Variants in PCDHAC1 observed in about 807,000 individuals in gnomAD.
PCDHAC1 encodes protocadherin alpha-C1.
A neutral mutation model predicts 60.0 loss-of-function variants in PCDHAC1; 42 were observed. The observed-to-expected ratio is 0.70, with a 90% CI of 0.55 to 0.90. The LOEUF (loss-of-function observed/expected upper bound fraction) is 0.90. Ranked by LOEUF, PCDHAC1 falls within the 40% of genes least tolerant of loss-of-function variation. PCDHAC1 has a pLI of 0.00. For synonymous variants in PCDHAC1, 468 were observed against 499.3 expected (o/e 0.94, Z 0.84); for missense variants, 1,160 against 1,222.3 (o/e 0.95, Z 0.76).
At chr5:141,006,813 T>C (rs1171771789) in intron 3 of PCDHAC1, among the ~76,000 whole-genome samples, 1 of 152,018 alleles carries the variant, frequency 6.6e-6, no homozygotes, top group African/African-American at 2.4e-5. Flanking sequence ...GCTTGAGAAA[T>C]GGGGTAAATG....
intron 2 of PCDHAC1, among the ~76,000 whole-genome samples, chr5:140,981,175 T>C (rs1350828084): frequency 6.6e-6 from 1 of 152,238 alleles, no homozygotes; most frequent in African/African-American, 2.4e-5. Context: ...TTCCCTCTAA[T>C]AGTTCAAGTT....
chr5:141,001,670 C>T (rs1554258276), intron 3 of PCDHAC1, among the ~76,000 whole-genome samples: 1 of 151,900 alleles, frequency 6.6e-6, no homozygotes, highest in African/African-American at 2.4e-5. Flanking sequence ...CTTGTCCAGT[C>T]GGTCCAACAA....
rs551502223 is a variant in PCDHAC1 at position 140,976,924 on chromosome 5, T to G, written c.2434-2025T>G. ...TGTAATAAAGTGCAAAATCTAGTAC[T>G]GTGTAGCTACTTAAAACATATTATA... is the stretch of plus-strand genomic sequence containing the variant. On this transcript the variant is annotated intron_variant, in intron 1 of 3. Coordinates refer to ENST00000253807, the MANE Select transcript of PCDHAC1 (RefSeq NM_018898.5). 1.6e-4 allele frequency among the ~76,000 whole-genome samples: 25 copies of G among 152,364 alleles called. No homozygotes were observed. In the South Asian group the frequency reaches 5.2e-3, roughly 32 times the overall value.
chr5:141,010,470 G>A lies in PCDHAC1; in HGVS notation c.*533G>A. ...ACAGCGGAAGTTATCAGTATGGAGG[G>A]GAAGTGTAAACTTAAAGGGACCAGA... On this transcript the variant is annotated 3_prime_UTR_variant, in exon 4 of 4. Transcript: ENST00000253807. The A allele has an allele frequency of 2.6e-6, 2 of 780,290 alleles. No homozygotes were observed. The highest frequency in any genetic ancestry group is 3.0e-5 in the East Asian group (1 of 33,872). 48.3% of individuals were successfully genotyped at this position (780,290 alleles called of 1,614,324 possible).
At chr5:140,967,708 C>A (rs782464741) in intron 1 of PCDHAC1, 1 of 1,614,158 alleles carries the variant, frequency 6.2e-7, no homozygotes, top group Admixed American at 1.7e-5. Context: ...ATGCCAGTAC[C>A]GGGGAAGTGC....
chr5:140,954,297 C>G (rs1369831854), intron 1 of PCDHAC1, among the ~76,000 whole-genome samples: 1 of 152,298 alleles, frequency 6.6e-6, no homozygotes, highest in African/African-American at 2.4e-5. Context: ...TGGGTACATA[C>G]CCAGTAATGG....
At chr5:140,937,824 A>C (rs1229119616) in intron 1 of PCDHAC1, among the ~76,000 whole-genome samples, 1 of 151,696 alleles carries the variant, frequency 6.6e-6, no homozygotes, top group African/African-American at 2.4e-5. Flanking sequence ...AGGCAGGAGA[A>C]TGGCATGAAC....
chr5:140,976,897 T>C (rs2096736712), intron 1 of PCDHAC1, among the ~76,000 whole-genome samples: 1 of 152,220 alleles, frequency 6.6e-6, no homozygotes, highest in Admixed American at 6.5e-5. Flanking sequence ...CATGCAACAG[T>C]ATGTAATAAA....
intron 1 of PCDHAC1, chr5:140,966,951 C>T (rs781885198): frequency 6.2e-7 from 1 of 1,603,742 alleles, no homozygotes; most frequent in Non-Finnish European, 8.5e-7. Context: ...GGCAACGTGG[C>T]TCGCGCGCTG....
At chr5:140,998,940 A>G (rs2097841050) in intron 3 of PCDHAC1, among the ~76,000 whole-genome samples, 1 of 152,222 alleles carries the variant, frequency 6.6e-6, no homozygotes, top group African/African-American at 2.4e-5. Context: ...AGATGAAGAA[A>G]CTGTAAGTCA....
chr5:140,983,704 A>T (rs1364816662), intron 3 of PCDHAC1, among the ~76,000 whole-genome samples: 3 of 152,226 alleles, frequency 2.0e-5, no homozygotes, highest in Non-Finnish European at 4.4e-5. Flanking sequence ...AAATCCAAGT[A>T]TATCTAGCAC....
At chr5:140,955,146 T>C (rs184262984) in intron 1 of PCDHAC1, among the ~76,000 whole-genome samples, 10 of 152,338 alleles carry the variant, frequency 6.6e-5, no homozygotes, top group African/African-American at 2.4e-4. Context: ...TCTGTTTTTG[T>C]ACCAGTACCG....
intron 3 of PCDHAC1, among the ~76,000 whole-genome samples, chr5:140,987,196 AGAGT>A (rs2097234784): frequency 6.6e-6 from 1 of 151,568 alleles, no homozygotes; most frequent in Non-Finnish European, 1.5e-5. Flanking sequence ...CCTGGGTGAC[AGAGT>A]GAGACTCCAT....
intron 2 of PCDHAC1, 37 bp from the exon 3 acceptor site, chr5:140,982,438 T>G: frequency 3.8e-5 from 61 of 1,608,838 alleles, no homozygotes; most frequent in Non-Finnish European, 4.8e-5. Context: ...AAAGAATTTA[T>G]GATCTAACCG....
chr5:140,965,307 C>T (rs2095888914), intron 1 of PCDHAC1, among the ~76,000 whole-genome samples: 1 of 152,150 alleles, frequency 6.6e-6, no homozygotes, highest in Admixed American at 6.5e-5. Context: ...ATCCTTCTAC[C>T]TTCTCTTTTA....
chr5:140,988,332 A>G (rs2097293198), intron 3 of PCDHAC1, among the ~76,000 whole-genome samples: 1 of 152,230 alleles, frequency 6.6e-6, no homozygotes, highest in Non-Finnish European at 1.5e-5. Context: ...ACCCGAGGAA[A>G]GTAAGTCCTT....
chr5:140,964,133 G>A (rs2095812042), intron 1 of PCDHAC1, among the ~76,000 whole-genome samples: 1 of 152,182 alleles, frequency 6.6e-6, no homozygotes, highest in African/African-American at 2.4e-5. Context: ...AACTAGTAAG[G>A]TTGGCAGGAG....
At position 141,010,207 on chromosome 5, in the gene PCDHAC1, A is replaced by C; in HGVS notation, c.*270A>C. The C allele has an allele frequency of 6.4e-7, 1 of 1,551,870 alleles. No homozygotes were observed. ...CCAAGTTTCCTTTCTCCTCCGCCGC[A>C]AAGGAGAGGCTTCCCAGCCCCGCCA... On this transcript the variant is annotated 3_prime_UTR_variant, in exon 4 of 4. Transcript: ENST00000253807.
chr5:140,967,327 C>T (rs2096128034), intron 1 of PCDHAC1: 2 of 1,608,656 alleles, frequency 1.2e-6, no homozygotes, highest in Admixed American at 1.7e-5. Context: ...CCTACGAGCT[C>T]AGCCCCAGCG....
Sources: gnomAD v4.1 joint callset for allele counts (sites outside exome capture counted in the v4.1 genomes callset) on GRCh38, gnomAD v4.1.1 for gene constraint, MANE v1.5 for transcripts, NCBI Gene and HGNC (gene_info 2026-07-23, HGNC 2026-07-21) for gene names.